Variants in MTX3 observed in about 807,000 individuals in gnomAD.
MTX3 encodes the protein metaxin 3, also known as metaxin-3.
MTX3 carries 27 observed loss-of-function variants against 42.5 expected under a neutral mutation model. That is an observed-to-expected ratio of 0.64 (90% CI 0.47 to 0.88). The LOEUF (loss-of-function observed/expected upper bound fraction) is 0.88. Among genes scored for constraint, MTX3 ranks in the 40% least tolerant of loss-of-function variants. The pLI, the probability that MTX3 is intolerant of heterozygous loss-of-function variation, is 0.00. For synonymous variants in MTX3, 144 were observed against 132.9 expected (o/e 1.08, Z -0.57); for missense variants, 378 against 367.0 (o/e 1.03, Z -0.25).
chr5:79,988,668 T>A, intron 4 of MTX3, 24 bp from the exon 5 acceptor site: 3 of 1,519,900 alleles, frequency 2.0e-6, no homozygotes, highest in Non-Finnish European at 2.6e-6. Context: ...GAAAAAACAC[T>A]ACAAGGATGT....
At chr5:79,990,068 G>T in intron 3 of MTX3, 92 bp downstream of exon 3, 2 of 679,610 alleles carry the variant, frequency 2.9e-6, no homozygotes, top group Non-Finnish European at 4.7e-6. Context: ...ATTGTCTAAT[G>T]AGTTGGCAAA....
intron 8 of MTX3, among the ~76,000 whole-genome samples, chr5:79,984,692 T>C (rs968295190): frequency 6.6e-6 from 1 of 151,694 alleles, no homozygotes; most frequent in Non-Finnish European, 1.5e-5. Flanking sequence ...TTTTTCCTAG[T>C]AGAATCACAC....
At position 79,978,111 on chromosome 5, in the gene MTX3, T is replaced by A. The variant is rs974217834; in HGVS notation, c.*5573A>T. ...ACCAACATATCTATGCCGACAGCCA[T>A]CCCTCTCTCAATGCCATGGTCCAAG... On this transcript the variant is annotated 3_prime_UTR_variant, in exon 9 of 9. Coordinates refer to ENST00000512528, the MANE Select transcript of MTX3 (RefSeq NM_001363818.2). 2 of 152,178 alleles carry A rather than the reference T, an allele frequency of 1.3e-5. No individual in the cohort carries two copies. The highest frequency in any genetic ancestry group is 4.8e-5 in the African/African-American group (2 of 41,432). 9.4% of individuals were successfully genotyped at this position (152,178 alleles called of 1,614,324 possible).
intron 6 of MTX3, among the ~76,000 whole-genome samples, chr5:79,987,468 T>C (rs1187835228): frequency 2.0e-5 from 3 of 150,460 alleles, no homozygotes; most frequent in Admixed American, 6.6e-5. Flanking sequence ...AAAATTAAAT[T>C]AAGGATTTTT....
rs908388599 is a variant in MTX3, at chr5:79,979,421, C to T, written c.*4263G>A. The T allele has an allele frequency of 6.6e-6, 1 of 152,160 alleles. No individual in the cohort carries two copies. Among genetic ancestry groups the T allele is most frequent in the Non-Finnish European group, 1.5e-5 (1 of 68,022 alleles). 9.4% of individuals were successfully genotyped at this position (152,160 alleles called of 1,614,324 possible). On this transcript the variant is annotated 3_prime_UTR_variant, in exon 9 of 9. Transcript: ENST00000512528. ...AATGGCAGCAAAAAATATTTCTTAA[C>T]ATCAAGAACATATACAAAAGATGAT...
At position 79,976,937 on chromosome 5, in the gene MTX3, T is replaced by C. The variant is rs923055836; in HGVS notation, c.*6747A>G. On this transcript the variant is annotated 3_prime_UTR_variant, in exon 9 of 9. Transcript: ENST00000512528. Reference sequence around the variant, plus strand: ...GCTTACTTTAAGATTGTTTACTTTATAAAGAAGCTAGAGTAGTTGTGCAAC... The same window carrying C: ...GCTTACTTTAAGATTGTTTACTTTACAAAGAAGCTAGAGTAGTTGTGCAAC... The C allele has an allele frequency of 6.6e-6, 1 of 152,562 alleles. No individual in the cohort carries two copies. The highest frequency in any genetic ancestry group is 2.4e-5 in the African/African-American group (1 of 41,450). 9.5% of individuals were successfully genotyped at this position (152,562 alleles called of 1,614,324 possible). A position where few individuals can be genotyped will look rare whatever the true frequency, so the allele number is the denominator to read the frequency against.
intron 8 of MTX3, 72 bp downstream of exon 8, chr5:79,985,499 G>A: frequency 1.0e-6 from 1 of 998,712 alleles, no homozygotes; most frequent in Non-Finnish European, 1.6e-6. Context: ...GTTAATGTGT[G>A]ACCCAAATGA....
At position 79,982,273 on chromosome 5, in the gene MTX3, A is replaced by G; in HGVS notation, c.*1411T>C. The G allele has an allele frequency of 2.8e-6, 1 of 353,638 alleles. No individual in the cohort carries two copies. Among genetic ancestry groups the G allele is most frequent in the Non-Finnish European group, 5.7e-6 (1 of 176,944 alleles). The allele number at this position is 353,638 out of a possible 1,614,324, so 21.9% of individuals were successfully genotyped here. A position where few individuals can be genotyped will look rare whatever the true frequency, so the allele number is the denominator to read the frequency against. On this transcript the variant is annotated 3_prime_UTR_variant, in exon 9 of 9. Coordinates refer to ENST00000512528, the MANE Select transcript of MTX3 (RefSeq NM_001363818.2). ...CAAGAAAAAATATTTAGAATGACTT[A>G]AAGACTCTTGTATAAATAACTACCT...
At chr5:79,986,185 A>C (rs553697705) in intron 7 of MTX3, among the ~76,000 whole-genome samples, 8 of 152,322 alleles carry the variant, frequency 5.3e-5, no homozygotes, top group Non-Finnish European at 2.9e-5. Context: ...TTTATCTGTC[A>C]AATAATCAGG....
Position 79,988,649 on chromosome 5 carries a change from A to C in MTX3, c.322-5T>G. ...CTCAACCCAGAATGTGTGAAGCTGC[A>C]AAAGAAGAGAAAAAACACTACAAGG... On this transcript the variant is annotated splice_polypyrimidine_tract_variant and splice_region_variant and intron_variant, in intron 4 of 8. Coordinates refer to ENST00000512528, the MANE Select transcript of MTX3 (RefSeq NM_001363818.2). 1 of 1,562,182 alleles carries C rather than the reference A, an allele frequency of 6.4e-7. No homozygotes were observed. The highest frequency in any genetic ancestry group is 8.7e-7 in the Non-Finnish European group (1 of 1,153,790).
intron 7 of MTX3, 60 bp from the exon 8 acceptor site, chr5:79,985,719 T>C (rs1831474044): frequency 1.6e-6 from 2 of 1,248,500 alleles, no homozygotes; most frequent in Middle Eastern, 1.9e-4. Flanking sequence ...TTTAAAGCTA[T>C]TTAGATTGAA....
rs898826198 is a variant in MTX3 at position 79,977,317 on chromosome 5, T to A, written c.*6367A>T. The A allele has an allele frequency of 6.6e-6, 1 of 152,242 alleles. No individual in the cohort carries two copies. Among genetic ancestry groups the A allele is most frequent in the African/African-American group, 2.4e-5 (1 of 41,462 alleles). The allele number at this position is 152,242 out of a possible 1,614,324, so 9.4% of individuals were successfully genotyped here. A position where few individuals can be genotyped will look rare whatever the true frequency, so the allele number is the denominator to read the frequency against. On this transcript the variant is annotated 3_prime_UTR_variant, in exon 9 of 9. Coordinates refer to ENST00000512528, the MANE Select transcript of MTX3 (RefSeq NM_001363818.2). ...GCCCCATGACCTTCTCTATGGTTCA[T>A]GACTTACTGAGGGCTGATGCAAACT...
intron 2 of MTX3, 26 bp downstream of exon 2, chr5:79,990,568 G>T (rs1198569539): frequency 7.0e-7 from 1 of 1,425,254 alleles, no homozygotes; most frequent in South Asian, 1.3e-5. Flanking sequence ...AGTGCAGAAA[G>T]GGGAGTGTAA....
At chr5:79,990,358 GT>G (rs1831611654) in intron 2 of MTX3, 122 bp from the exon 3 acceptor site, 3 of 745,782 alleles carry the variant, frequency 4.0e-6, no homozygotes, top group Non-Finnish European at 6.4e-6. Context: ...GCTTGTCTTG[GT>G]TTTTTTGCTG....
chr5:79,982,198 G>T lies in MTX3; in HGVS notation c.*1486C>A, dbSNP rs1254406004. The T allele has an allele frequency of 3.4e-6, 1 of 293,648 alleles. No individual in the cohort carries two copies. Among genetic ancestry groups the T allele is most frequent in the African/African-American group, 2.2e-5 (1 of 45,260 alleles). 18.2% of individuals were successfully genotyped at this position (293,648 alleles called of 1,614,324 possible). ...TGAGGTACTTTCCCTCATCCAAACA[G>T]ATGACCAAGATTTTGAAGACTACCT... On this transcript the variant is annotated 3_prime_UTR_variant, in exon 9 of 9. Coordinates refer to ENST00000512528, the MANE Select transcript of MTX3 (RefSeq NM_001363818.2).
At chr5:79,990,330 AG>A (rs1831610468) in intron 2 of MTX3, 94 bp from the exon 3 acceptor site, 1 of 861,092 alleles carries the variant, frequency 1.2e-6, no homozygotes, top group South Asian at 1.8e-5. Context: ...GCACATTTAG[AG>A]GGGAAAAAAT....
rs1168896901 is a variant in MTX3, at chr5:79,982,153, T to C, written c.*1531A>G. On this transcript the variant is annotated 3_prime_UTR_variant, in exon 9 of 9. Coordinates refer to ENST00000512528, the MANE Select transcript of MTX3 (RefSeq NM_001363818.2). ...AAACACACACACACACACCCTGTTG[T>C]AGAAGTAATGTGCAACTCATGAGGT... 4.0e-6 allele frequency: 1 copy of C among 251,052 alleles called. No individual in the cohort carries two copies. The highest frequency in any genetic ancestry group is 8.0e-6 in the Non-Finnish European group (1 of 125,012). The allele number at this position is 251,052 out of a possible 1,614,324, so 15.6% of individuals were successfully genotyped here. A position where few individuals can be genotyped will look rare whatever the true frequency, so the allele number is the denominator to read the frequency against.
At chr5:79,986,641 C>T (rs1268506123) in intron 7 of MTX3, 1 of 474,350 alleles carries the variant, frequency 2.1e-6, no homozygotes, top group Non-Finnish European at 4.1e-6. Context: ...TCAGCAAAGA[C>T]TTAATACCTG....
Position 79,988,227 on chromosome 5 carries a change from G to GGAATCATTTTTGGTATTTT in MTX3, c.581+11_581+12insAAAATACCAAAAATGATTC. On this transcript the variant is annotated intron_variant, in intron 6 of 8. Coordinates refer to ENST00000512528, the MANE Select transcript of MTX3 (RefSeq NM_001363818.2). ...CACAAAATACCAAAATGATTTTTAA[G>GGAATCATTTTTGGTATTTT]GGAATACTCACGTATCTCCAAAGAA... 4.1e-6 allele frequency: 6 copies of GGAATCATTTTTGGTATTTT among 1,456,172 alleles called. No homozygotes were observed. The highest frequency in any genetic ancestry group is 1.9e-6 in the Non-Finnish European group (2 of 1,060,614). The allele number at this position is 1,456,172 out of a possible 1,614,324, so 90.2% of individuals were successfully genotyped here.
Sources: gnomAD v4.1 joint callset for allele counts (sites outside exome capture counted in the v4.1 genomes callset) on GRCh38, gnomAD v4.1.1 for gene constraint, MANE v1.5 for transcripts, NCBI Gene and HGNC (gene_info 2026-07-23, HGNC 2026-07-21) for gene names.